SCAF11: variants seen among roughly 807,000 people sequenced by gnomAD.
SCAF11 encodes SR-related CTD associated factor 11.
SCAF11 carries 47 observed loss-of-function variants against 140.5 expected under a neutral mutation model. The observed-to-expected ratio is 0.33, with a 90% CI of 0.26 to 0.43. The LOEUF (loss-of-function observed/expected upper bound fraction) is 0.43. Among genes scored for constraint, SCAF11 ranks in the 20% least tolerant of loss-of-function variants. The pLI is 1.00. For synonymous variants in SCAF11, 557 were observed against 579.4 expected (o/e 0.96, Z 0.55); for missense variants, 1,645 against 1,705.1 (o/e 0.96, Z 0.62).
At chr12:45,945,488 A>T (rs1238435405) in intron 5 of SCAF11, among the ~76,000 whole-genome samples, 175 bp from the exon 6 acceptor site, 1 of 151,750 alleles carries the variant, frequency 6.6e-6, no homozygotes, top group Non-Finnish European at 1.5e-5. Flanking sequence ...ATGAGATATT[A>T]GAATGTCAAG....
rs769039758 is a variant in SCAF11, at chr12:45,951,651, T to C, written c.296A>G (p.Lys99Arg). 2 of 1,568,440 alleles carry C rather than the reference T, an allele frequency of 1.3e-6. No homozygotes were observed. Among genetic ancestry groups the C allele is most frequent in the Middle Eastern group, 1.8e-4 (1 of 5,522 alleles). Residue 99 changes from lysine to arginine, a missense_variant and splice_region_variant, in exon 4 of 15, where the codon AAG becomes AGG. Lys to Arg is a conservative substitution (Grantham distance 26). Transcript: ENST00000369367. ...FKFSALEGYVKVQVKKQLRET... is the reference protein window; with the variant it reads ...FKFSALEGYVRVQVKKQLRET... ...ATGTTGCAGAATAAAAAGACTTACCTTAACATAACCTTCCAATGCACTGAA... is the reference window on the plus strand; with the variant it reads ...ATGTTGCAGAATAAAAAGACTTACCCTAACATAACCTTCCAATGCACTGAA...
chr12:45,959,816 G>T (rs1366189740), intron 3 of SCAF11, among the ~76,000 whole-genome samples: 6 of 152,096 alleles, frequency 3.9e-5, no homozygotes, highest in African/African-American at 1.4e-4. Context: ...TTATTTAAAT[G>T]ATGATTGCTA....
At chr12:45,982,771 G>C (rs1041613515) in intron 1 of SCAF11, among the ~76,000 whole-genome samples, 5 of 152,186 alleles carry the variant, frequency 3.3e-5, no homozygotes, top group African/African-American at 1.2e-4. Flanking sequence ...TTTTATAACA[G>C]TGTTGTTTTG....
intron 6 of SCAF11, among the ~76,000 whole-genome samples, chr12:45,939,998 G>C (rs1204353953): frequency 1.3e-5 from 2 of 152,190 alleles, no homozygotes; most frequent in Non-Finnish European, 2.9e-5. Flanking sequence ...AAGGATACAA[G>C]CTGTCTTTTC....
chr12:45,923,164 A>G lies in SCAF11; in HGVS notation c.3907-10T>C. 6.2e-7 allele frequency: 1 copy of G among 1,603,766 alleles called. No homozygotes were observed. On this transcript the variant is annotated splice_polypyrimidine_tract_variant and intron_variant, in intron 12 of 14. Transcript: ENST00000369367. The stretch of plus-strand genomic sequence containing the variant: ...AAGAACTAGGAATACCCTGTTTTAA[A>G]GAGTTATCATCAGTTAATGAATTAC...
intron 5 of SCAF11, among the ~76,000 whole-genome samples, 174 bp from the exon 6 acceptor site, chr12:45,945,487 T>A (rs943378091): frequency 6.6e-6 from 1 of 152,218 alleles, no homozygotes; most frequent in South Asian, 2.1e-4. Context: ...TATGAGATAT[T>A]AGAATGTCAA....
chr12:45,950,003 A>G (rs1338771309), intron 4 of SCAF11, among the ~76,000 whole-genome samples: 2 of 152,162 alleles, frequency 1.3e-5, no homozygotes, highest in Non-Finnish European at 2.9e-5. Flanking sequence ...AGATTGTGAA[A>G]GGACAGAGAA....
intron 6 of SCAF11, among the ~76,000 whole-genome samples, chr12:45,935,877 G>C (rs1945162087): frequency 6.6e-6 from 1 of 150,622 alleles, no homozygotes; most frequent in Non-Finnish European, 1.5e-5. Context: ...TCTAAATTGT[G>C]GTTTCCTGAA....
intron 2 of SCAF11, 107 bp downstream of exon 2, chr12:45,963,997 GAAC>G (rs1309940951): frequency 1.6e-5 from 10 of 627,136 alleles, no homozygotes; most frequent in African/African-American, 5.8e-5. Flanking sequence ...TGGAATTTAA[GAAC>G]AACAATAACA....
intron 1 of SCAF11, chr12:45,974,152 T>C: frequency 2.1e-6 from 1 of 470,582 alleles, no homozygotes; most frequent in South Asian, 1.6e-5. Context: ...TGCAACAGCA[T>C]TATGTCTAAA....
chr12:45,934,246 T>C lies in SCAF11; in HGVS notation c.562A>G (p.Asn188Asp). The change falls in exon 8 of 15, where the codon AAT becomes GAT. Residue 188 changes from asparagine (N) to aspartate (D), a missense_variant. By Grantham distance (23) the Asn-to-Asp change is conservative. Coordinates refer to ENST00000369367, the MANE Select transcript of SCAF11 (RefSeq NM_004719.3). ...SNWSTNQCFR[N>D]FFSNMFSSVS... ...GAAGAAAACATATTGGAGAAAAAAT[T>C]TCTGAAGCACTGATTTGTACTCCAA... The C allele has an allele frequency of 1.2e-6, 2 of 1,611,890 alleles. No individual in the cohort carries two copies. The highest frequency in any genetic ancestry group is 2.7e-5 in the African/African-American group (2 of 74,966).
Position 45,921,806 on chromosome 12 carries a change from A to C in SCAF11, c.*242T>G, listed in dbSNP as rs1944720901. The C allele has an allele frequency of 4.5e-6, 2 of 447,620 alleles. No individual in the cohort carries two copies. The highest frequency in any genetic ancestry group is 4.0e-6 in the Non-Finnish European group (1 of 252,302). 27.7% of individuals were successfully genotyped at this position (447,620 alleles called of 1,614,324 possible). On this transcript the variant is annotated 3_prime_UTR_variant, in exon 15 of 15. Transcript: ENST00000369367. ...TAACACAGTCCTAGTAAAGATGCAC[A>C]TTCCTTTAAACCCTTTACTTTCCCT...
At position 45,921,679 on chromosome 12, in the gene SCAF11, C is replaced by A; in HGVS notation, c.*369G>T. On this transcript the variant is annotated 3_prime_UTR_variant, in exon 15 of 15. Transcript: ENST00000369367. ...ACATTTTAACCTGACAGAATAAATG[C>A]ATTATATATATCTCTTTGAAAACCA... 2 of 158,080 alleles carry A rather than the reference C, an allele frequency of 1.3e-5. No individual in the cohort carries two copies. Among genetic ancestry groups the A allele is most frequent in the Non-Finnish European group, 1.4e-5 (1 of 72,110 alleles). The allele number at this position is 158,080 out of a possible 1,614,324, so 9.8% of individuals were successfully genotyped here. A position where few individuals can be genotyped will look rare whatever the true frequency, so the allele number is the denominator to read the frequency against.
chr12:45,948,333 G>A, intron 5 of SCAF11, 104 bp downstream of exon 5: 1 of 708,762 alleles, frequency 1.4e-6, no homozygotes, highest in Non-Finnish European at 2.4e-6. Flanking sequence ...TTGAATAAGT[G>A]ATTAAATACA....
chr12:45,944,940 G>A (rs933658733), intron 6 of SCAF11: 2 of 295,918 alleles, frequency 6.8e-6, no homozygotes, highest in Admixed American at 5.5e-5. Context: ...CTCCCCCAAG[G>A]ACTTCTGCAC....
chr12:45,953,777 C>A, intron 3 of SCAF11: 1 of 451,332 alleles, frequency 2.2e-6, no homozygotes, highest in South Asian at 1.9e-5. Context: ...AAGTTACAGT[C>A]TCTCTGTGCC....
At chr12:45,922,376 T>C (rs1944736233) in intron 14 of SCAF11, 87 bp downstream of exon 14, 6 of 1,534,626 alleles carry the variant, frequency 3.9e-6, no homozygotes, top group Non-Finnish European at 5.3e-6. Flanking sequence ...CTAGCTTTTA[T>C]TATTTTAATT....
chr12:45,945,670 T>G (rs1340898962), intron 5 of SCAF11, among the ~76,000 whole-genome samples: 1 of 151,684 alleles, frequency 6.6e-6, no homozygotes, highest in East Asian at 1.9e-4. Context: ...CTGAGTAGCT[T>G]GGACTACAGG....
chr12:45,961,278 A>G, intron 3 of SCAF11: 1 of 714,720 alleles, frequency 1.4e-6, no homozygotes, highest in Non-Finnish European at 2.6e-6. Flanking sequence ...GTTATTCCAC[A>G]AGGCTGATAT....
Sources: gnomAD v4.1 joint callset for allele counts (sites outside exome capture counted in the v4.1 genomes callset) on GRCh38, gnomAD v4.1.1 for gene constraint, MANE v1.5 for transcripts, NCBI Gene and HGNC (gene_info 2026-07-23, HGNC 2026-07-21) for gene names.